RFC3: variants seen among roughly 807,000 people sequenced by gnomAD.
The protein encoded by RFC3 is replication factor C subunit 3.
RFC3 carries 41 observed loss-of-function variants against 45.1 expected under a neutral mutation model. The ratio of observed to expected loss-of-function variants is 0.91; its 90% CI spans 0.71 to 1.18. The LOEUF is 1.18. Among genes scored for constraint, RFC3 ranks in the 50% most tolerant of loss-of-function variants. RFC3 has a pLI of 0.00. For synonymous variants in RFC3, 149 were observed against 144.0 expected (o/e 1.03, Z -0.25); for missense variants, 423 against 428.1 (o/e 0.99, Z 0.10).
At chr13:33,913,132 C>T (rs891849769) in intron 8 of RFC3, among the ~76,000 whole-genome samples, 14 of 152,060 alleles carry the variant, frequency 9.2e-5, no homozygotes, top group Admixed American at 9.2e-4. Flanking sequence ...CAGCATAAAG[C>T]AGGCCAGTGA....
intron 8 of RFC3, among the ~76,000 whole-genome samples, chr13:33,868,287 C>T (rs2082386492): frequency 6.6e-6 from 1 of 152,156 alleles, no homozygotes; most frequent in Non-Finnish European, 1.5e-5. Context: ...GGAGGCCTCA[C>T]TTCCCATTAC....
intron 8 of RFC3, among the ~76,000 whole-genome samples, chr13:33,954,111 C>G (rs1259094824): frequency 1.3e-5 from 2 of 151,820 alleles, no homozygotes; most frequent in African/African-American, 4.8e-5. Context: ...AATAATTGAC[C>G]AAAAAAATTG....
intron 8 of RFC3, among the ~76,000 whole-genome samples, chr13:33,902,151 T>C (rs1566022425): frequency 1.3e-5 from 2 of 152,018 alleles, no homozygotes; most frequent in Non-Finnish European, 2.9e-5. Context: ...TGAAGAAATA[T>C]GGAGAATATA....
intron 8 of RFC3, among the ~76,000 whole-genome samples, chr13:33,844,424 A>G (rs574784113): frequency 2.0e-5 from 3 of 151,634 alleles, no homozygotes; most frequent in African/African-American, 7.3e-5. Context: ...TTTTTCTACT[A>G]CCGTTTTATC....
the RFC3 span, among the ~76,000 whole-genome samples, chr13:33,977,296 C>T: frequency 1.3e-5 from 2 of 152,050 alleles, no homozygotes; most frequent in African/African-American, 2.4e-5. Context: ...TGAGGAAAAT[C>T]GGATGTGGGG....
chr13:33,840,857 T>C (rs923770475), downstream of RFC3, among the ~76,000 whole-genome samples: 22 of 152,200 alleles, frequency 1.4e-4, no homozygotes, highest in African/African-American at 4.1e-4. Flanking sequence ...TGATAAAATA[T>C]ATACAAATCT....
At chr13:33,828,858 C>T (rs1414338522) in intron 4 of RFC3, among the ~76,000 whole-genome samples, 1 of 152,132 alleles carries the variant, frequency 6.6e-6, no homozygotes, top group East Asian at 1.9e-4. Context: ...TCAAATTGGC[C>T]GCACCATGGT....
At chr13:33,865,894 A>G (rs987057088) in intron 8 of RFC3, among the ~76,000 whole-genome samples, 17 of 152,184 alleles carry the variant, frequency 1.1e-4, no homozygotes, top group Non-Finnish European at 2.2e-4. Flanking sequence ...TCTCTACTAA[A>G]AATACACACA....
intron 8 of RFC3, among the ~76,000 whole-genome samples, chr13:33,880,889 C>G (rs935795531): frequency 7.9e-5 from 12 of 152,130 alleles, no homozygotes; most frequent in African/African-American, 2.4e-5. Context: ...AACTCCATCT[C>G]TACTAAAAAT....
chr13:33,881,881 G>C (rs190009701), intron 8 of RFC3, among the ~76,000 whole-genome samples: 1 of 152,110 alleles, frequency 6.6e-6, no homozygotes, highest in Admixed American at 6.6e-5. Flanking sequence ...CAAGCTAAAC[G>C]CATGGCTAAT....
chr13:33,855,854 G>C (rs1433829600), intron 8 of RFC3, among the ~76,000 whole-genome samples: 1 of 151,966 alleles, frequency 6.6e-6, no homozygotes, highest in Non-Finnish European at 1.5e-5. Flanking sequence ...GTTTTTTATA[G>C]GTGCTGGATA....
chr13:33,840,743 T>G (rs1012234613), downstream of RFC3, among the ~76,000 whole-genome samples: 1 of 152,072 alleles, frequency 6.6e-6, no homozygotes, highest in Non-Finnish European at 1.5e-5. Flanking sequence ...TTGAAAATAC[T>G]CATGGAAAAA....
chr13:33,865,085 A>G (rs1171694579), intron 8 of RFC3, among the ~76,000 whole-genome samples: 1 of 152,208 alleles, frequency 6.6e-6, no homozygotes, highest in African/African-American at 2.4e-5. Context: ...GCAAAATTAG[A>G]AGAATGAAGA....
intron 8 of RFC3, among the ~76,000 whole-genome samples, chr13:33,941,823 A>G (rs1404503849): frequency 1.3e-5 from 2 of 152,120 alleles, no homozygotes; most frequent in Admixed American, 6.6e-5. Context: ...CATCTCTTCA[A>G]TATTGCTTCC....
intron 8 of RFC3, among the ~76,000 whole-genome samples, chr13:33,938,111 A>G (rs577062956): frequency 3.5e-5 from 5 of 144,398 alleles, no homozygotes; most frequent in African/African-American, 5.0e-5. Flanking sequence ...GATGTTTGCA[A>G]ATGTCCTAAG....
chr13:33,934,105 A>G (rs981540456), intron 8 of RFC3, among the ~76,000 whole-genome samples: 6 of 152,016 alleles, frequency 3.9e-5, no homozygotes, highest in Non-Finnish European at 7.4e-5. Context: ...GCGTGAGCTC[A>G]GGAGTTTGAG....
intron 8 of RFC3, among the ~76,000 whole-genome samples, chr13:33,908,095 G>GT (rs201014996): frequency 0.016 from 2,410 of 151,738 alleles, 58 homozygotes; most frequent in African/African-American, 0.048. Context: ...GGGTATTAAA[G>GT]TATTAAACTA....
At chr13:33,872,020 G>A (rs182700283) in intron 8 of RFC3, among the ~76,000 whole-genome samples, 98 of 152,200 alleles carry the variant, frequency 6.4e-4, no homozygotes, top group Middle Eastern at 6.8e-3. Context: ...TTTTATTAAC[G>A]TTCAGACAGG....
rs532512793 is a variant in RFC3 at position 33,850,697 on chromosome 13, A to G, written c.879+15480A>G. 1.7e-4 allele frequency: 26 copies of G among 152,308 alleles called. No individual in the cohort carries two copies. The East Asian group carries it at 3.5e-3, about 20-fold the overall frequency. The allele number at this position is 152,308 out of a possible 1,614,324, so 9.4% of individuals were successfully genotyped here. A position where few individuals can be genotyped will look rare whatever the true frequency, so the allele number is the denominator to read the frequency against. ...TAAACATAAGTATTGTTTTGAAAAT[A>G]CAGTTAACTTACAGGACAAACTCAT... On this transcript the variant is annotated intron_variant, in intron 8 of 8. Coordinates refer to the RFC3 transcript ENST00000434425.
Sources: allele counts gnomAD v4.1 joint callset (sites outside exome capture counted in the v4.1 genomes callset), GRCh38; gene constraint gnomAD v4.1.1; transcripts MANE v1.5; gene names NCBI Gene and HGNC (gene_info 2026-07-23, HGNC 2026-07-21).